The following ZBTB7C variants were observed in gnomAD, a reference collection of about 807,000 sequenced individuals.
ZBTB7C encodes the protein zinc finger and BTB domain containing 7C.
Under a neutral mutation model 25.7 loss-of-function variants are expected in ZBTB7C, and 8 were observed. The observed-to-expected ratio is 0.31, with a 90% confidence interval of 0.18 to 0.56. ZBTB7C has a LOEUF of 0.56. Ranked by LOEUF, ZBTB7C falls within the 20% of genes least tolerant of loss-of-function variation. The pLI is 0.91. For synonymous variants in ZBTB7C, 394 were observed against 369.0 expected (o/e 1.07, Z -0.78); for missense variants, 824 against 855.2 (o/e 0.96, Z 0.46).
chr18:48,043,475 G>A (rs1467785979), intron 3 of ZBTB7C, among the ~76,000 whole-genome samples: 1 of 152,144 alleles, frequency 6.6e-6, no homozygotes, highest in Non-Finnish European at 1.5e-5. Flanking sequence ...AGTGAAAAAA[G>A]CCAATCCCAA....
intron 3 of ZBTB7C, among the ~76,000 whole-genome samples, chr18:48,168,821 T>C (rs1045148016): frequency 1.3e-5 from 2 of 152,234 alleles, no homozygotes; most frequent in Non-Finnish European, 2.9e-5. Context: ...GGCATAAACA[T>C]GGCTTCTTAT....
At chr18:48,151,375 A>G (rs1331713603) in intron 3 of ZBTB7C, among the ~76,000 whole-genome samples, 1 of 152,112 alleles carries the variant, frequency 6.6e-6, no homozygotes, top group Non-Finnish European at 1.5e-5. Context: ...ACTGCCTTAG[A>G]TGAGATTCTT....
intron 3 of ZBTB7C, among the ~76,000 whole-genome samples, chr18:48,151,774 C>G (rs141289274): frequency 6.6e-6 from 1 of 152,174 alleles, no homozygotes; most frequent in African/African-American, 2.4e-5. Context: ...TAGGAGCTCA[C>G]GTTTCCATGC....
At chr18:48,319,958 G>A (rs1354889303) in intron 2 of ZBTB7C, among the ~76,000 whole-genome samples, 3 of 152,098 alleles carry the variant, frequency 2.0e-5, no homozygotes, top group African/African-American at 7.2e-5. Flanking sequence ...GTTTATATCA[G>A]TGAATAGAAT....
chr18:48,153,298 T>A (rs1447135385), intron 3 of ZBTB7C, among the ~76,000 whole-genome samples: 1 of 152,226 alleles, frequency 6.6e-6, no homozygotes, highest in East Asian at 1.9e-4. Context: ...GGGTGAGGAT[T>A]AGCATGCCCA....
intron 3 of ZBTB7C, among the ~76,000 whole-genome samples, chr18:48,136,167 C>T (rs952420653): frequency 2.0e-5 from 3 of 152,128 alleles, no homozygotes; most frequent in African/African-American, 7.2e-5. Flanking sequence ...GCTGCGCCCG[C>T]CTGCAGGAAC....
chr18:48,122,366 G>C (rs1487715120), intron 3 of ZBTB7C, among the ~76,000 whole-genome samples: 1 of 152,030 alleles, frequency 6.6e-6, no homozygotes, highest in Non-Finnish European at 1.5e-5. Flanking sequence ...TTTCTCTTTT[G>C]TTATGAAAAT....
rs183674606 is a variant in ZBTB7C at position 48,028,530 on chromosome 18, A to G, written c.*730T>C. On this transcript the variant is annotated 3_prime_UTR_variant, in exon 5 of 5. Transcript: ENST00000590800. The stretch of plus-strand genomic sequence containing the variant: ...TGGACTTGGGGAGTACAAAGCTTCT[A>G]CCATCTCTGTGATTCTCTGGGGGGA... The G allele has an allele frequency of 6.9e-4, 105 of 152,290 alleles. No homozygotes were observed. The highest frequency in any genetic ancestry group is 2.5e-3 in the African/African-American group (102 of 41,542). The allele number at this position is 152,290 out of a possible 1,614,324, so 9.4% of individuals were successfully genotyped here.
intron 2 of ZBTB7C, among the ~76,000 whole-genome samples, chr18:48,194,278 A>T (rs2042266756): frequency 6.6e-6 from 1 of 152,202 alleles, no homozygotes; most frequent in Admixed American, 6.5e-5. Context: ...CCAGACAGCC[A>T]GGGGAGGAGG....
intron 1 of ZBTB7C, among the ~76,000 whole-genome samples, chr18:48,366,882 T>C (rs991011207): frequency 2.0e-5 from 3 of 152,010 alleles, no homozygotes; most frequent in African/African-American, 7.2e-5. Context: ...CACATACACA[T>C]ACATGTGCAT....
intron 2 of ZBTB7C, among the ~76,000 whole-genome samples, chr18:48,247,133 T>C (rs2043718090): frequency 6.6e-6 from 1 of 152,166 alleles, no homozygotes; most frequent in South Asian, 2.1e-4. Context: ...TCAACAATCA[T>C]TCCTAATAAA....
intron 2 of ZBTB7C, among the ~76,000 whole-genome samples, chr18:48,256,745 T>A (rs1342190035): frequency 6.6e-6 from 1 of 152,010 alleles, no homozygotes; most frequent in African/African-American, 2.4e-5. Flanking sequence ...TGTACTATTG[T>A]AAGGTTTGTA....
chr18:48,038,294 C>T (rs1419879244), intron 4 of ZBTB7C, among the ~76,000 whole-genome samples: 1 of 152,124 alleles, frequency 6.6e-6, no homozygotes, highest in Non-Finnish European at 1.5e-5. Context: ...GCAGATTCTC[C>T]CTCTACTGTC....
chr18:48,039,711 A>T (rs2036131560), intron 4 of ZBTB7C, among the ~76,000 whole-genome samples, 189 bp downstream of exon 4: 2 of 152,174 alleles, frequency 1.3e-5, no homozygotes, highest in Non-Finnish European at 2.9e-5. Context: ...CTGAGAAAAT[A>T]CTGCAGCCCC....
rs138631927 is a variant in ZBTB7C at position 48,393,100 on chromosome 18, C to T, written c.-304+16126G>A. Among the ~76,000 whole-genome samples, 206 of 152,290 alleles carry T rather than the reference C, an allele frequency of 1.4e-3. 5 individuals carry two copies. In the East Asian group the frequency reaches 0.036, roughly 26 times the overall value. ...AACTATGCTTTTTGATGTGACAATA[C>T]CTTGGCATTTGTGAACTCTTAATAA... On this transcript the variant is annotated intron_variant, in intron 1 of 4. Transcript: ENST00000590800.
At chr18:48,031,606 A>G (rs970299516) in intron 4 of ZBTB7C, among the ~76,000 whole-genome samples, 1 of 152,220 alleles carries the variant, frequency 6.6e-6, no homozygotes, top group Non-Finnish European at 1.5e-5. Flanking sequence ...TCAGGACTCA[A>G]TAAAACAGTG....
chr18:48,255,903 C>CA (rs1341931372), intron 2 of ZBTB7C, among the ~76,000 whole-genome samples: 2 of 144,262 alleles, frequency 1.4e-5, no homozygotes, highest in Non-Finnish European at 3.0e-5. Context: ...CCCTATTTTC[C>CA]AAAAAAGAAT....
At chr18:48,318,010 C>T (rs1304468392) in intron 2 of ZBTB7C, among the ~76,000 whole-genome samples, 1 of 146,830 alleles carries the variant, frequency 6.8e-6, no homozygotes, top group Non-Finnish European at 1.5e-5. Context: ...AGGGGCCCTA[C>T]TGAGGCGCAT....
chr18:48,361,633 G>A (rs4940358), intron 1 of ZBTB7C, among the ~76,000 whole-genome samples: 152,061 of 152,314 alleles, frequency 1, 75,905 homozygotes, highest in Middle Eastern at 1. Context: ...TGTTGAGAGG[G>A]CAGTGGGTCT....
Sources: gnomAD v4.1 joint callset for allele counts (sites outside exome capture counted in the v4.1 genomes callset) on GRCh38, gnomAD v4.1.1 for gene constraint, MANE v1.5 for transcripts, NCBI Gene and HGNC (gene_info 2026-07-23, HGNC 2026-07-21) for gene names.